NCKAP1: variants seen among roughly 807,000 people sequenced by gnomAD.
NCKAP1 encodes nck-associated protein 1.
A neutral mutation model predicts 151.2 loss-of-function variants in NCKAP1; 21 were observed. The ratio of observed to expected loss-of-function variants is 0.14; its 90% CI spans 0.10 to 0.20. The LOEUF (loss-of-function observed/expected upper bound fraction) is 0.20, where lower values mean the gene tolerates loss of function less well. Ranked by LOEUF, NCKAP1 falls within the 10% of genes least tolerant of loss-of-function variation. The pLI is 1.00. For synonymous variants in NCKAP1, 484 were observed against 451.8 expected (o/e 1.07, Z -0.90); for missense variants, 933 against 1,352.1 (o/e 0.69, Z 4.86).
chr2:182,971,399 A>T (rs1243230918), intron 15 of NCKAP1, among the ~76,000 whole-genome samples: 2 of 144,618 alleles, frequency 1.4e-5, no homozygotes, highest in African/African-American at 5.6e-5. Flanking sequence ...GTCTCAAAAA[A>T]AAAAAAAAAA....
chr2:182,933,044 C>T (rs905423017), intron 26 of NCKAP1, among the ~76,000 whole-genome samples: 19 of 152,090 alleles, frequency 1.2e-4, no homozygotes, highest in African/African-American at 3.9e-4. Context: ...AATTATAATA[C>T]AAGGCAGATT....
At chr2:183,037,436 C>T (rs1269063222) in intron 1 of NCKAP1, among the ~76,000 whole-genome samples, 2 of 152,218 alleles carry the variant, frequency 1.3e-5, no homozygotes. Context: ...ATCGTCAACA[C>T]ACTCTCAATG....
intron 8 of NCKAP1, among the ~76,000 whole-genome samples, chr2:182,993,306 G>T (rs1575053070): frequency 6.6e-6 from 1 of 152,024 alleles, no homozygotes; most frequent in South Asian, 2.1e-4. Context: ...ATTTTTTCCC[G>T]TATTTTAATT....
rs1296362719 is a variant in NCKAP1 at position 182,917,244 on chromosome 2, C to T, written c.*8458G>A. On this transcript the variant is annotated 3_prime_UTR_variant, in exon 31 of 31. Transcript: ENST00000361354. Reference sequence around the variant, plus strand: ...AAGTGACAGAGCTGGGATTCAAACCCCAGATTTGTTTGAGGCTGTGGCATC... The same window carrying T: ...AAGTGACAGAGCTGGGATTCAAACCTCAGATTTGTTTGAGGCTGTGGCATC... 6.6e-6 allele frequency: 1 copy of T among 152,146 alleles called. No homozygotes were observed. Among genetic ancestry groups the T allele is most frequent in the Non-Finnish European group, 1.5e-5 (1 of 68,022 alleles). 9.4% of individuals were successfully genotyped at this position (152,146 alleles called of 1,614,324 possible).
chr2:182,933,667 G>A (rs1228643088), intron 26 of NCKAP1, among the ~76,000 whole-genome samples: 2 of 151,770 alleles, frequency 1.3e-5, no homozygotes, highest in African/African-American at 2.4e-5. Context: ...TGCCCACCTC[G>A]GCCTCCCAAA....
At chr2:182,985,747 G>C (rs1317580982) in intron 10 of NCKAP1, among the ~76,000 whole-genome samples, 1 of 150,220 alleles carries the variant, frequency 6.7e-6, no homozygotes, top group Non-Finnish European at 1.5e-5. Flanking sequence ...AGACTGCAGT[G>C]AGCCGAGATG....
chr2:182,962,224 T>C lies in NCKAP1; in HGVS notation c.1816A>G (p.Met606Val). 6.2e-7 allele frequency: 1 copy of C among 1,612,316 alleles called. No homozygotes were observed. Among genetic ancestry groups the C allele is most frequent in the South Asian group, 1.1e-5 (1 of 90,904 alleles). ...LSLCNMFLDE[M>V]AKQARNLITD... ...ATGAGATTTCGAGCTTGTTTGGCCA[T>C]TTCATCTAGGAACATATTACATAAG... Residue 606 changes from methionine (M) to valine (V), a missense_variant, in exon 18 of 31, where the codon ATG becomes GTG. Met to Val is a conservative substitution (Grantham distance 21, BLOSUM62 1). Transcript: ENST00000361354.
rs866438571 is a variant in NCKAP1 at position 182,915,743 on chromosome 2, A to G, written c.*9959T>C. The G allele has an allele frequency of 6.6e-6, 1 of 152,130 alleles. No homozygotes were observed. Among genetic ancestry groups the G allele is most frequent in the Non-Finnish European group, 1.5e-5 (1 of 68,024 alleles). The allele number at this position is 152,130 out of a possible 1,614,324, so 9.4% of individuals were successfully genotyped here. A position where few individuals can be genotyped will look rare whatever the true frequency, so the allele number is the denominator to read the frequency against. On this transcript the variant is annotated 3_prime_UTR_variant, in exon 31 of 31. Coordinates refer to ENST00000361354, the MANE Select transcript of NCKAP1 (RefSeq NM_013436.5). ...GTGTCTCACAGCTCCTGTCTTTTCT[A>G]TGAAGTACTGACTCTAGCTAGGGGT...
Position 182,990,780 on chromosome 2 carries a change from T to A in NCKAP1, c.791-1594A>T, listed in dbSNP as rs115647204. Among the ~76,000 whole-genome samples, 1,025 of 152,310 alleles carry A rather than the reference T, an allele frequency of 6.7e-3. 12 individuals carry two copies. Among genetic ancestry groups the A allele is most frequent in the African/African-American group, 0.024 (983 of 41,570 alleles). On this transcript the variant is annotated intron_variant, in intron 8 of 30. Coordinates refer to ENST00000361354, the MANE Select transcript of NCKAP1 (RefSeq NM_013436.5). ...GACACTTTAACATAAAACTTGCCAT[T>A]TATCTTTTGATTCTTAGCTCAAGCT...
At chr2:182,972,224 C>CAAAAG (rs1697711716) in intron 15 of NCKAP1, among the ~76,000 whole-genome samples, 1 of 67,706 alleles carries the variant, frequency 1.5e-5, no homozygotes, top group African/African-American at 5.9e-5. Context: ...AGCTTAATAG[C>CAAAAG]AAAAAAAAAA....
At chr2:183,028,586 C>T (rs1176007080) in intron 1 of NCKAP1, among the ~76,000 whole-genome samples, 1 of 152,080 alleles carries the variant, frequency 6.6e-6, no homozygotes, top group Non-Finnish European at 1.5e-5. Flanking sequence ...AGGCAAGTTG[C>T]CTAACCTCTC....
rs1698836908 is a variant in NCKAP1, at chr2:183,023,689, T to A, written c.219+117A>T. 4 of 770,562 alleles carry A rather than the reference T, an allele frequency of 5.2e-6. No individual in the cohort carries two copies. The East Asian group carries it at 1.0e-4, about 20-fold the overall frequency. 47.7% of individuals were successfully genotyped at this position (770,562 alleles called of 1,614,324 possible). A position where few individuals can be genotyped will look rare whatever the true frequency, so the allele number is the denominator to read the frequency against. ...TCAAAAAAACCCTTAAGGTATATAATCTGTATATCAAAATGTTAAAAATTA... is the reference window on the plus strand; with the variant it reads ...TCAAAAAAACCCTTAAGGTATATAAACTGTATATCAAAATGTTAAAAATTA... On this transcript the variant is annotated intron_variant, in intron 2 of 30. Transcript: ENST00000361354.
At chr2:182,961,684 C>G (rs1051339244) in intron 18 of NCKAP1, among the ~76,000 whole-genome samples, 46 of 151,976 alleles carry the variant, frequency 3.0e-4, no homozygotes, top group African/African-American at 1.1e-3. Flanking sequence ...ACCTATGTAA[C>G]TAACCTGCAC....
intron 13 of NCKAP1, among the ~76,000 whole-genome samples, chr2:182,979,293 T>C (rs946154511): frequency 6.6e-6 from 1 of 152,062 alleles, no homozygotes; most frequent in African/African-American, 2.4e-5. Flanking sequence ...TTGGAAAAGT[T>C]CTGTCTTGAA....
intron 2 of NCKAP1, among the ~76,000 whole-genome samples, chr2:183,017,294 T>C (rs1173909267): frequency 6.6e-6 from 1 of 152,162 alleles, no homozygotes; most frequent in Non-Finnish European, 1.5e-5. Context: ...TACATTATAA[T>C]ATGTAATGAA....
At chr2:183,008,226 C>G (rs896641902) in intron 2 of NCKAP1, among the ~76,000 whole-genome samples, 2 of 152,184 alleles carry the variant, frequency 1.3e-5, no homozygotes, top group Non-Finnish European at 1.5e-5. Flanking sequence ...CCACGCCCAG[C>G]CACAGTGAAC....
At chr2:183,009,499 C>CAGGCAAGA (rs1698550835) in intron 2 of NCKAP1, among the ~76,000 whole-genome samples, 1 of 150,590 alleles carries the variant, frequency 6.6e-6, no homozygotes, top group Non-Finnish European at 1.5e-5. Context: ...AGCAGGCAAG[C>CAGGCAAGA]AAGCAAGGTT....
intron 14 of NCKAP1, 113 bp downstream of exon 14, chr2:182,978,721 A>G: frequency 3.8e-6 from 2 of 521,984 alleles, no homozygotes; most frequent in Non-Finnish European, 6.2e-6. Context: ...GAACAAAATT[A>G]AGATAAAAGA....
chr2:182,924,663 T>G lies in NCKAP1; in HGVS notation c.*1039A>C, dbSNP rs1204382417. 1.3e-5 allele frequency: 2 copies of G among 152,200 alleles called. No individual in the cohort carries two copies. Among genetic ancestry groups the G allele is most frequent in the Non-Finnish European group, 2.9e-5 (2 of 68,008 alleles). The allele number at this position is 152,200 out of a possible 1,614,324, so 9.4% of individuals were successfully genotyped here. ...AGCATACAAGTTTTCTTTAAGTTCT[T>G]AATTTTTAAGAAGTATTGTGTAATT... On this transcript the variant is annotated 3_prime_UTR_variant, in exon 31 of 31. Coordinates refer to ENST00000361354, the MANE Select transcript of NCKAP1 (RefSeq NM_013436.5).
Sources: gnomAD v4.1 joint callset for allele counts (sites outside exome capture counted in the v4.1 genomes callset) on GRCh38, gnomAD v4.1.1 for gene constraint, MANE v1.5 for transcripts, NCBI Gene and HGNC (gene_info 2026-07-23, HGNC 2026-07-21) for gene names.